XXYLT1: variants seen among roughly 807,000 people sequenced by gnomAD.
The protein encoded by XXYLT1 is UDP-xylose:alpha-xyloside alpha-1,3-xylosyltransferase.
A neutral mutation model predicts 28.9 loss-of-function variants in XXYLT1; 20 were observed. That is an observed-to-expected ratio of 0.69 (90% confidence interval 0.49 to 1.00). The LOEUF (loss-of-function observed/expected upper bound fraction) is 1.00. Ranked by LOEUF, XXYLT1 falls within the 50% of genes least tolerant of loss-of-function variation. The probability of loss-of-function intolerance (pLI) is 0.00; values close to 1 mark genes in which losing one functional copy is unlikely to be tolerated. For missense variants in XXYLT1, 542 were observed against 560.1 expected (o/e 0.97, Z 0.33); for synonymous variants, 257 against 253.8 (o/e 1.01, Z -0.12).
chr3:195,184,006 T>C (rs1434120442), intron 2 of XXYLT1, among the ~76,000 whole-genome samples: 2 of 152,228 alleles, frequency 1.3e-5, no homozygotes, highest in African/African-American at 4.8e-5. Flanking sequence ...TTTGTTAGAA[T>C]ACAGGCTGAA....
chr3:195,155,898 A>G (rs1720561722), intron 3 of XXYLT1, among the ~76,000 whole-genome samples: 4 of 152,376 alleles, frequency 2.6e-5, no homozygotes, highest in African/African-American at 9.6e-5. Flanking sequence ...AAATAACGCT[A>G]CAGTGAATAT....
intron 1 of XXYLT1, among the ~76,000 whole-genome samples, chr3:195,253,678 T>C (rs1725362082): frequency 6.6e-6 from 1 of 152,072 alleles, no homozygotes; most frequent in African/African-American, 2.4e-5. Context: ...TTTGTATTTT[T>C]AGTAGAGACG....
chr3:195,224,845 G>T (rs1351045738), intron 2 of XXYLT1, among the ~76,000 whole-genome samples: 1 of 152,208 alleles, frequency 6.6e-6, no homozygotes, highest in Non-Finnish European at 1.5e-5. Context: ...AACTGGTGAG[G>T]CCAAGAGAGA....
At chr3:195,224,046 C>T (rs1290489472) in intron 2 of XXYLT1, among the ~76,000 whole-genome samples, 1 of 152,154 alleles carries the variant, frequency 6.6e-6, no homozygotes, top group Non-Finnish European at 1.5e-5. Flanking sequence ...ATCCCAGCTA[C>T]TCGAGAGGCT....
At chr3:195,235,891 T>TATAGACATAGAC (rs3988214) in intron 1 of XXYLT1, among the ~76,000 whole-genome samples, 2,569 of 144,812 alleles carry the variant, frequency 0.018, 37 homozygotes, top group South Asian at 0.028. Flanking sequence ...TCTATAAATA[T>TATAGACATAGAC]ATAGACATAG....
chr3:195,103,313 CG>C (rs1716892587), intron 3 of XXYLT1, among the ~76,000 whole-genome samples: 1 of 124,192 alleles, frequency 8.1e-6, no homozygotes, highest in South Asian at 2.4e-4. Context: ...CCCACACCAG[CG>C]ACCTGCGTCC....
At chr3:195,122,091 T>C in intron 3 of XXYLT1, 1 of 703,058 alleles carries the variant, frequency 1.4e-6, no homozygotes, top group South Asian at 1.5e-5. Flanking sequence ...GAGGACTCAC[T>C]GCCCAGTTCA....
rs1718942499 is a variant in XXYLT1 at position 195,132,289 on chromosome 3, G to A, written c.785+24160C>T. Among the ~76,000 whole-genome samples, 3 of 152,074 alleles carry A rather than the reference G, an allele frequency of 2.0e-5. No individual in the cohort carries two copies. The South Asian group carries it at 6.2e-4, about 32-fold the overall frequency. On this transcript the variant is annotated intron_variant, in intron 3 of 3. Coordinates refer to ENST00000310380, the MANE Select transcript of XXYLT1 (RefSeq NM_152531.5). ...CCAATGCTCCAGCCTGGGCAACATG[G>A]CGAAACCCCATCTTTACAAATAAAG...
rs536287711 is a variant in XXYLT1, at chr3:195,131,226, A to G, written c.785+25223T>C. On this transcript the variant is annotated intron_variant, in intron 3 of 3. Coordinates refer to ENST00000310380, the MANE Select transcript of XXYLT1 (RefSeq NM_152531.5). ...CACATTGCTCAAACACCCTAGACTC[A>G]GAAGCCGAACCACCCTCTTTCCGTC... Among the ~76,000 whole-genome samples the G allele has an allele frequency of 1.6e-4, 25 of 152,346 alleles. 1 individual carries two copies. The Middle Eastern group carries it at 0.017, about 104-fold the overall frequency.
chr3:195,110,536 CGTGTGTGTGGTGT>C lies in XXYLT1; in HGVS notation c.786-40438_786-40426del, dbSNP rs1200494026. Among the ~76,000 whole-genome samples the C allele has an allele frequency of 6.3e-5, 2 of 31,942 alleles. 1 individual carries two copies. Among genetic ancestry groups the C allele is most frequent in the Non-Finnish European group, 1.2e-4 (2 of 16,926 alleles). 21.0% of individuals were successfully genotyped at this position (31,942 alleles called of 152,430 possible). On this transcript the variant is annotated intron_variant, in intron 3 of 3. Coordinates refer to ENST00000310380, the MANE Select transcript of XXYLT1 (RefSeq NM_152531.5). Reference sequence around the variant, plus strand: ...TGTATGTGTGCGTGGTGTACGTGTGCGTGTGTGTGGTGTGTGTGTGGTGTATGTATGTGGTGTG... The same window carrying C: ...TGTATGTGTGCGTGGTGTACGTGTGCGTGTGTGGTGTATGTATGTGGTGTG...
chr3:195,270,836 G>C lies in XXYLT1; in HGVS notation c.223C>G (p.Arg75Gly), dbSNP rs1266785587. 2 of 1,455,264 alleles carry C rather than the reference G, an allele frequency of 1.4e-6. No individual in the cohort carries two copies. Among genetic ancestry groups the C allele is most frequent in the Non-Finnish European group, 1.8e-6 (2 of 1,105,688 alleles). The allele number at this position is 1,455,264 out of a possible 1,614,324, so 90.1% of individuals were successfully genotyped here. Residue 75 changes from arginine (R) to glycine (G), a missense_variant, in exon 1 of 4, where the codon CGG becomes GGG. Transcript: ENST00000310380. ...APSPPALELA[R>G]GSVAPAPGAK... is the part of the protein sequence containing the mutation. ...CCGGGGGCTGGCGCCACGGAGCCCC[G>C]CGCTAGCTCCAGCGCGGGCGGCGAG...
chr3:195,215,901 A>G (rs1386658111), intron 2 of XXYLT1, among the ~76,000 whole-genome samples: 2 of 152,208 alleles, frequency 1.3e-5, no homozygotes, highest in East Asian at 3.8e-4. Context: ...ATCTATTCCA[A>G]ACTTGACCAC....
At chr3:195,082,907 A>C (rs570866602) in intron 3 of XXYLT1, among the ~76,000 whole-genome samples, 1 of 152,156 alleles carries the variant, frequency 6.6e-6, no homozygotes, top group South Asian at 2.1e-4. Flanking sequence ...GCCAACAGTG[A>C]GGTGCCAGGT....
intron 3 of XXYLT1, among the ~76,000 whole-genome samples, chr3:195,073,711 G>A (rs927149798): frequency 6.6e-6 from 1 of 151,928 alleles, no homozygotes; most frequent in African/African-American, 2.4e-5. Flanking sequence ...AGGCCCTTTG[G>A]GAAAATAAAA....
At chr3:195,184,801 GA>G in intron 2 of XXYLT1, 4 of 985,282 alleles carry the variant, frequency 4.1e-6, no homozygotes, top group Non-Finnish European at 4.8e-6. Context: ...CTTCAATTAG[GA>G]AAAAAATCTG....
rs954360967 is a variant in XXYLT1 at position 195,076,798 on chromosome 3, C to T, written c.786-6687G>A. 2.0e-5 allele frequency among the ~76,000 whole-genome samples: 3 copies of T among 152,146 alleles called. 1 individual carries two copies. Among genetic ancestry groups the T allele is most frequent in the South Asian group, 4.1e-4 (2 of 4,832 alleles). ...TCATATTCACATGGCGTTCTCCCTG[C>T]GTGCACGTGCCTCTGTGTCCACATT... On this transcript the variant is annotated intron_variant, in intron 3 of 3. Transcript: ENST00000310380. This position sits in a 1 kb window ranked among gnomAD's most constrained non-coding sequence, Gnocchi z 5.3.
At chr3:195,091,003 A>C in intron 3 of XXYLT1, among the ~76,000 whole-genome samples, 1 of 151,540 alleles carries the variant, frequency 6.6e-6, no homozygotes, top group East Asian at 1.9e-4. Flanking sequence ...TGAATAGACC[A>C]ATAACAGGAG....
intron 1 of XXYLT1, among the ~76,000 whole-genome samples, chr3:195,238,780 T>C (rs535149380): frequency 1.3e-5 from 2 of 152,248 alleles, no homozygotes; most frequent in African/African-American, 4.8e-5. Context: ...TAAGCCAGCT[T>C]TTCCCTCCCT....
Position 195,078,035 on chromosome 3 carries a change from G to C in XXYLT1, c.786-7924C>G, listed in dbSNP as rs1055816994. On this transcript the variant is annotated intron_variant, in intron 3 of 3. Transcript: ENST00000310380. The surrounding 1 kb of genome is among the most constrained non-coding windows in gnomAD (Gnocchi z 5.0). Reference sequence around the variant, plus strand: ...GGGAGGGGCAAGGGACAGAGATGAGGGGGAAGAGGCAGTGGAGGGGCTTTA... The same window carrying C: ...GGGAGGGGCAAGGGACAGAGATGAGCGGGAAGAGGCAGTGGAGGGGCTTTA... Among the ~76,000 whole-genome samples, 2 of 152,184 alleles carry C rather than the reference G, an allele frequency of 1.3e-5. No homozygotes were observed. Among genetic ancestry groups the C allele is most frequent in the African/African-American group, 4.8e-5 (2 of 41,460 alleles).
Sources: gnomAD v4.1 joint callset for allele counts (sites outside exome capture counted in the v4.1 genomes callset) on GRCh38, gnomAD v4.1.1 for gene constraint, Gnocchi (gnomAD v3.1) non-coding constraint, MANE v1.5 for transcripts, NCBI Gene and HGNC (gene_info 2026-07-23, HGNC 2026-07-21) for gene names.